The following MBNL1 variants were observed in gnomAD, a reference collection of about 807,000 sequenced individuals.
MBNL1 encodes the protein muscleblind like splicing regulator 1.
Under a neutral mutation model 42.2 loss-of-function variants are expected in MBNL1, and 8 were observed. The ratio of observed to expected loss-of-function variants is 0.19; its 90% CI spans 0.11 to 0.34. The LOEUF is 0.34. MBNL1 is among the 10% of genes least tolerant of loss of function. The pLI is 1.00. For missense variants in MBNL1, 309 were observed against 495.3 expected (o/e 0.62, Z 3.57); for synonymous variants, 169 against 173.9 (o/e 0.97, Z 0.22).
At chr3:152,446,852 C>G in intron 5 of MBNL1, 1 of 1,060,802 alleles carries the variant, frequency 9.4e-7, no homozygotes, top group Non-Finnish European at 1.4e-6. Context: ...ATCCTTTTTT[C>G]TGTTATAGAG....
At chr3:152,443,672 T>C (rs17437043) in intron 4 of MBNL1, among the ~76,000 whole-genome samples, 10,819 of 152,182 alleles carry the variant, frequency 0.071, 507 homozygotes, top group Middle Eastern at 0.16. Flanking sequence ...GGTAACAGCT[T>C]GATCATTTTT....
chr3:152,399,050 C>G (rs986180660), intron 2 of MBNL1, among the ~76,000 whole-genome samples: 3 of 152,108 alleles, frequency 2.0e-5, no homozygotes, highest in African/African-American at 4.8e-5. Context: ...ACTCTTTGCC[C>G]TATAACCTTA....
At chr3:152,392,904 T>G in intron 2 of MBNL1, among the ~76,000 whole-genome samples, 1 of 152,216 alleles carries the variant, frequency 6.6e-6, no homozygotes, top group East Asian at 1.9e-4. Context: ...TTTTTGTTGT[T>G]TTTAACAGGA....
chr3:152,318,485 AATG>A (rs2073834265), intron 2 of MBNL1, among the ~76,000 whole-genome samples: 3 of 152,196 alleles, frequency 2.0e-5, no homozygotes, highest in Admixed American at 2.0e-4. Context: ...TATTTGTTCT[AATG>A]ATAAAATGTT....
chr3:152,412,413 C>G (rs977234928), intron 2 of MBNL1, among the ~76,000 whole-genome samples: 3 of 152,136 alleles, frequency 2.0e-5, no homozygotes, highest in Non-Finnish European at 2.9e-5. Flanking sequence ...GGTCACAGCT[C>G]TCTGTGGGAG....
At chr3:152,387,631 T>C (rs2097505668) in intron 2 of MBNL1, among the ~76,000 whole-genome samples, 1 of 152,148 alleles carries the variant, frequency 6.6e-6, no homozygotes, top group South Asian at 2.1e-4. Flanking sequence ...ACTGTGTTTT[T>C]GGATTTTTGT....
intron 3 of MBNL1, among the ~76,000 whole-genome samples, chr3:152,430,414 A>G (rs1444000583): frequency 6.6e-6 from 1 of 152,226 alleles, no homozygotes; most frequent in Non-Finnish European, 1.5e-5. Context: ...AAGAATGCAA[A>G]GAGGAATGAT....
intron 1 of MBNL1, chr3:152,299,085 T>C (rs1455926761): frequency 1.3e-5 from 2 of 152,656 alleles, no homozygotes; most frequent in African/African-American, 4.8e-5. Flanking sequence ...GTAATGAACG[T>C]CTGACAGGCG....
chr3:152,248,480 AT>A (rs1276127485), intron 2 of MBNL1, among the ~76,000 whole-genome samples: 3 of 151,696 alleles, frequency 2.0e-5, no homozygotes, highest in Admixed American at 6.6e-5. Context: ...ATGTGCTCTC[AT>A]TTTTTTCTTT....
At chr3:152,437,375 ATACTACAG>A (rs2099092436) in intron 4 of MBNL1, among the ~76,000 whole-genome samples, 1 of 152,198 alleles carries the variant, frequency 6.6e-6, no homozygotes, top group Non-Finnish European at 1.5e-5. Flanking sequence ...ACCCAGTGTG[ATACTACAG>A]AAAAAAAATG....
At chr3:152,443,640 A>C (rs1019028383) in intron 4 of MBNL1, among the ~76,000 whole-genome samples, 10 of 152,074 alleles carry the variant, frequency 6.6e-5, no homozygotes, top group African/African-American at 1.9e-4. Flanking sequence ...ATGTTCAGCC[A>C]GAGAGGAGGA....
At chr3:152,434,844 TC>T (rs1192604362) in intron 4 of MBNL1, among the ~76,000 whole-genome samples, 11 of 152,222 alleles carry the variant, frequency 7.2e-5, no homozygotes, top group Admixed American at 3.9e-4. Flanking sequence ...TGTATATCTT[TC>T]TTTGAAAAGC....
chr3:152,292,674 A>G (rs2056625405), intron 1 of MBNL1, among the ~76,000 whole-genome samples: 1 of 151,924 alleles, frequency 6.6e-6, no homozygotes, highest in South Asian at 2.1e-4. Context: ...TCATTTACAT[A>G]TCTCCTTCAT....
At chr3:152,364,771 A>G (rs2096249793) in intron 2 of MBNL1, among the ~76,000 whole-genome samples, 1 of 152,158 alleles carries the variant, frequency 6.6e-6, no homozygotes, top group Non-Finnish European at 1.5e-5. Context: ...AATTGGTCAG[A>G]TACTGTGAGA....
At chr3:152,422,193 G>C (rs899681266) in intron 3 of MBNL1, among the ~76,000 whole-genome samples, 4 of 149,648 alleles carry the variant, frequency 2.7e-5, no homozygotes, top group Admixed American at 6.7e-5. Context: ...CCCATCCTAC[G>C]TGCAAAGACA....
intron 2 of MBNL1, among the ~76,000 whole-genome samples, chr3:152,395,818 G>A (rs1045214318): frequency 2.0e-5 from 3 of 152,220 alleles, no homozygotes; most frequent in Admixed American, 6.5e-5. Flanking sequence ...TAGCGGGAAT[G>A]TTCACACCTG....
chr3:152,449,399 T>C (rs1242950353), intron 6 of MBNL1: 27 of 152,188 alleles, frequency 1.8e-4, no homozygotes, highest in Admixed American at 1.8e-3. Flanking sequence ...TATGATAGTT[T>C]CTCTACTAAA....
At chr3:152,359,242 G>C (rs1230501917) in intron 2 of MBNL1, among the ~76,000 whole-genome samples, 2 of 152,178 alleles carry the variant, frequency 1.3e-5, no homozygotes, top group African/African-American at 4.8e-5. Context: ...GATTTAAAAG[G>C]AGAATCCAAA....
chr3:152,309,732 A>G (rs1406830984), intron 2 of MBNL1, among the ~76,000 whole-genome samples: 29 of 152,292 alleles, frequency 1.9e-4, no homozygotes, highest in Non-Finnish European at 1.5e-4. Flanking sequence ...TCTTTTCCAT[A>G]TTACTGCATT....
Sources: gnomAD v4.1 joint callset for allele counts (sites outside exome capture counted in the v4.1 genomes callset) on GRCh38, gnomAD v4.1.1 for gene constraint, MANE v1.5 for transcripts, NCBI Gene and HGNC (gene_info 2026-07-23, HGNC 2026-07-21) for gene names.